The following GPD1L variants were observed in gnomAD, a reference collection of about 807,000 sequenced individuals.
GPD1L encodes glycerol-3-phosphate dehydrogenase 1-like protein.
GPD1L carries 17 observed loss-of-function variants against 32.9 expected under a neutral mutation model. That is an observed-to-expected ratio of 0.52 (90% CI 0.35 to 0.78). The LOEUF is 0.78. Ranked by LOEUF, GPD1L falls within the 30% of genes least tolerant of loss-of-function variation. The probability of loss-of-function intolerance (pLI) is 0.01; values close to 1 mark genes in which losing one functional copy is unlikely to be tolerated. For synonymous variants in GPD1L, 187 were observed against 165.9 expected, an observed-to-expected ratio of 1.13 and a Z score of -0.98; for missense variants, 361 against 447.8, an observed-to-expected ratio of 0.81 and a Z score of 1.75.
chr3:32,166,094 A>T lies in GPD1L; in HGVS notation c.*184A>T, dbSNP rs1339541413. The T allele has an allele frequency of 1.6e-6, 1 of 642,182 alleles. No homozygotes were observed. The highest frequency in any genetic ancestry group is 2.8e-6 in the Non-Finnish European group (1 of 352,666). 39.8% of individuals were successfully genotyped at this position (642,182 alleles called of 1,614,324 possible). ...CATTAGCAAAGATGTACTGGGCAGT[A>T]ACTAAACACACATGCAAACATGTGA... is the stretch of plus-strand genomic sequence containing the variant. On this transcript the variant is annotated 3_prime_UTR_variant, in exon 8 of 8. Transcript: ENST00000282541.
intron 2 of GPD1L, among the ~76,000 whole-genome samples, chr3:32,134,079 A>G (rs1700625646): frequency 6.6e-6 from 1 of 152,196 alleles, no homozygotes; most frequent in Admixed American, 6.5e-5. Context: ...ATCTGGAACG[A>G]TGGACACCTT....
chr3:32,143,694 T>C (rs987730877), intron 4 of GPD1L, among the ~76,000 whole-genome samples: 3 of 151,866 alleles, frequency 2.0e-5, no homozygotes, highest in Non-Finnish European at 1.5e-5. Context: ...AATACAAAAA[T>C]TAGCCAGGTG....
At chr3:32,150,844 C>A (rs1113619) in intron 5 of GPD1L, among the ~76,000 whole-genome samples, 1 of 152,022 alleles carries the variant, frequency 6.6e-6, no homozygotes, top group Non-Finnish European at 1.5e-5. Context: ...AATCCCAGCA[C>A]TTTGGGAGGC....
At chr3:32,149,305 C>T (rs1700876815) in intron 5 of GPD1L, among the ~76,000 whole-genome samples, 1 of 152,178 alleles carries the variant, frequency 6.6e-6, no homozygotes, top group South Asian at 2.1e-4. Flanking sequence ...AAGCAGTCTT[C>T]CCACCTCAGA....
At chr3:32,165,748 C>CCTAACTT in intron 7 of GPD1L, 66 bp from the exon 8 acceptor site, 1 of 844,732 alleles carries the variant, frequency 1.2e-6, no homozygotes, top group Non-Finnish European at 2.1e-6. Context: ...GGACAGAAAA[C>CCTAACTT]CTAACTTATT....
In GPD1L at chr3:32,165,954, C is replaced by A; in HGVS notation, c.*44C>A. ...TTGGGGGAAGTTCTGCCTTTCTGAT[C>A]AATCTTTTGGGTTCACGTGGAAACC... On this transcript the variant is annotated 3_prime_UTR_variant, in exon 8 of 8. Coordinates refer to ENST00000282541, the MANE Select transcript of GPD1L (RefSeq NM_015141.4). 2.7e-6 allele frequency: 3 copies of A among 1,102,154 alleles called. No individual in the cohort carries two copies. The highest frequency in any genetic ancestry group is 2.5e-5 in the South Asian group (2 of 80,594). 68.3% of individuals were successfully genotyped at this position (1,102,154 alleles called of 1,614,324 possible).
rs141706769 is a variant in GPD1L, at chr3:32,124,055, A to ATTTCTTTC, written c.48-4005_48-3998dup. On this transcript the variant is annotated intron_variant, in intron 1 of 7. Coordinates refer to ENST00000282541, the MANE Select transcript of GPD1L (RefSeq NM_015141.4). Reference sequence around the variant, plus strand: ...GACTGGCCTTCTGTTGGCCAGTCACATTTCTTTCTTTCTTTCTTTCTTTTT... The same window carrying ATTTCTTTC: ...GACTGGCCTTCTGTTGGCCAGTCACATTTCTTTCTTTCTTTCTTTCTTTCTTTCTTTTT... 0.022 allele frequency among the ~76,000 whole-genome samples: 3,361 copies of ATTTCTTTC among 151,548 alleles called. 243 individuals are homozygous for ATTTCTTTC. The East Asian group carries it at 0.23, about 10-fold the overall frequency.
intron 1 of GPD1L, among the ~76,000 whole-genome samples, chr3:32,126,997 T>C (rs890911494): frequency 4.6e-5 from 7 of 152,154 alleles, no homozygotes; most frequent in Non-Finnish European, 1.0e-4. Context: ...TTACTTGAAA[T>C]TTTATGGTTG....
intron 1 of GPD1L, among the ~76,000 whole-genome samples, chr3:32,122,999 G>C (rs914858624): frequency 1.3e-5 from 2 of 152,006 alleles, no homozygotes; most frequent in African/African-American, 4.8e-5. Context: ...TGACCTCCTG[G>C]GCTCAACTGA....
chr3:32,159,062 G>A lies in GPD1L; in HGVS notation c.805G>A (p.Gly269Arg), dbSNP rs786205268. ...GVADLITTCY[G>R]GRNRRVAEAF... Reference sequence around the variant, plus strand: ...GGCCGACCTGATCACCACCTGTTACGGAGGGCGGAACCGCAGGGTGGCCGA... The same window carrying A: ...GGCCGACCTGATCACCACCTGTTACAGAGGGCGGAACCGCAGGGTGGCCGA... The change falls in exon 6 of 8, where the codon GGA (glycine) becomes AGA (arginine). Residue 269 changes from glycine (G) to arginine (R), a missense_variant. Gly to Arg is a moderately radical substitution (Grantham distance 125). Transcript: ENST00000282541. 4.3e-6 allele frequency: 7 copies of A among 1,613,788 alleles called. No homozygotes were observed. In the Middle Eastern group the frequency reaches 4.9e-4, roughly 114 times the overall value.
intron 4 of GPD1L, among the ~76,000 whole-genome samples, chr3:32,146,322 G>C (rs969229643): frequency 1.3e-5 from 2 of 151,890 alleles, no homozygotes; most frequent in African/African-American, 4.8e-5. Context: ...TCTTGACCTC[G>C]TGATCTGCCC....
intron 1 of GPD1L, among the ~76,000 whole-genome samples, chr3:32,113,232 T>C (rs544635299): frequency 6.8e-6 from 1 of 147,724 alleles, no homozygotes; most frequent in South Asian, 2.2e-4. Context: ...AATTAGAGGA[T>C]TAATTGTTGA....
chr3:32,148,276 T>C (rs543852348), intron 5 of GPD1L, among the ~76,000 whole-genome samples: 7 of 152,228 alleles, frequency 4.6e-5, no homozygotes, highest in East Asian at 1.9e-4. Flanking sequence ...GGAGTCTAGA[T>C]TGAGGTGAGG....
rs200392121 is a variant in GPD1L at position 32,159,085 on chromosome 3, C to G, written c.828C>G (p.Ala276=). 2.5e-6 allele frequency: 4 copies of G among 1,613,566 alleles called. No individual in the cohort carries two copies. Among genetic ancestry groups the G allele is most frequent in the African/African-American group, 1.3e-5 (1 of 74,924 alleles). ...TCYGGRNRRV[A]EAFARTGKTI... ...ACGGAGGGCGGAACCGCAGGGTGGCCGAGGCCTTCGCCAGAACTGGGAAGG... is the reference window on the plus strand; with the variant it reads ...ACGGAGGGCGGAACCGCAGGGTGGCGGAGGCCTTCGCCAGAACTGGGAAGG... Residue 276 remains alanine (A), a synonymous_variant, in exon 6 of 8, where the codon GCC becomes GCG. Coordinates refer to ENST00000282541, the MANE Select transcript of GPD1L (RefSeq NM_015141.4).
intron 1 of GPD1L, among the ~76,000 whole-genome samples, chr3:32,111,336 G>A (rs1348237634): frequency 1.3e-5 from 2 of 152,194 alleles, no homozygotes; most frequent in African/African-American, 4.8e-5. Context: ...TAGTGCAGTG[G>A]TATAAGAAAG....
chr3:32,134,849 A>C (rs1383766485), intron 2 of GPD1L, among the ~76,000 whole-genome samples: 1 of 152,208 alleles, frequency 6.6e-6, no homozygotes, highest in South Asian at 2.1e-4. Context: ...AAGGATTTGC[A>C]AGACACGGGT....
chr3:32,147,939 G>A (rs552652811), intron 5 of GPD1L, among the ~76,000 whole-genome samples: 16 of 152,228 alleles, frequency 1.1e-4, no homozygotes, highest in African/African-American at 3.6e-4. Context: ...TAAAGGCCTG[G>A]GCTCCTAGGG....
At chr3:32,120,137 G>A (rs1700388967) in intron 1 of GPD1L, among the ~76,000 whole-genome samples, 1 of 152,100 alleles carries the variant, frequency 6.6e-6, no homozygotes, top group African/African-American at 2.4e-5. Context: ...AGCCAACATG[G>A]TGAAACCCTG....
intron 1 of GPD1L, among the ~76,000 whole-genome samples, chr3:32,123,322 T>C (rs1408907131): frequency 6.6e-6 from 1 of 152,198 alleles, no homozygotes; most frequent in African/African-American, 2.4e-5. Context: ...TTGCCAGATA[T>C]TACTACCTGC....
Sources: allele counts gnomAD v4.1 joint callset (sites outside exome capture counted in the v4.1 genomes callset), GRCh38; gene constraint gnomAD v4.1.1; transcripts MANE v1.5; gene names NCBI Gene and HGNC (gene_info 2026-07-23, HGNC 2026-07-21).